BTBD3: variants seen among roughly 807,000 people sequenced by gnomAD.
BTBD3 encodes the protein BTB/POZ domain-containing protein 3.
BTBD3 carries 14 observed loss-of-function variants against 41.6 expected under a neutral mutation model. The ratio of observed to expected loss-of-function variants is 0.34; its 90% CI spans 0.22 to 0.53. The LOEUF (loss-of-function observed/expected upper bound fraction) is 0.53, where lower values mean the gene tolerates loss of function less well. Among genes scored for constraint, BTBD3 ranks in the 20% least tolerant of loss-of-function variants. The probability of loss-of-function intolerance (pLI) is 0.95; values close to 1 mark genes in which losing one functional copy is unlikely to be tolerated. For synonymous variants in BTBD3, 249 were observed against 233.7 expected (o/e 1.07, Z -0.60); for missense variants, 426 against 654.7 (o/e 0.65, Z 3.81).
Position 11,917,983 on chromosome 20 carries a change from C to G in BTBD3, c.-293C>G. On this transcript the variant is annotated 5_prime_UTR_variant, in exon 1 of 4. Coordinates refer to ENST00000378226, the MANE Select transcript of BTBD3 (RefSeq NM_014962.4). ...GAAAAGAAGTGCTACAGCTCTGTGC[C>G]TGTCATCTTTGCAGTGTAGCATTTT... 1 of 1,118,686 alleles carries G rather than the reference C, an allele frequency of 8.9e-7. No homozygotes were observed. Among genetic ancestry groups the G allele is most frequent in the South Asian group, 3.3e-5 (1 of 30,070 alleles). The allele number at this position is 1,118,686 out of a possible 1,614,324, so 69.3% of individuals were successfully genotyped here.
chr20:11,907,540 A>G (rs1446822408), intron 1 of BTBD3, among the ~76,000 whole-genome samples: 1 of 152,214 alleles, frequency 6.6e-6, no homozygotes, highest in African/African-American at 2.4e-5. Flanking sequence ...TGTTGCAGAT[A>G]TGGAGATGCA....
upstream of BTBD3, among the ~76,000 whole-genome samples, chr20:11,915,988 T>C (rs2056915670): frequency 2.0e-5 from 3 of 152,160 alleles, no homozygotes; most frequent in Admixed American, 1.3e-4. Flanking sequence ...ATATGCAAAA[T>C]GAGTAAAGAT....
At chr20:11,901,241 C>G (rs953404027) in intron 1 of BTBD3, among the ~76,000 whole-genome samples, 2 of 152,234 alleles carry the variant, frequency 1.3e-5, no homozygotes, top group Non-Finnish European at 2.9e-5. Flanking sequence ...CCTCCCCGCT[C>G]TACCACTTAG....
At chr20:11,915,642 C>T (rs936203863), upstream of BTBD3, among the ~76,000 whole-genome samples, 6 of 151,928 alleles carry the variant, frequency 3.9e-5, no homozygotes, top group South Asian at 4.2e-4. Context: ...GCCTTATTAC[C>T]GTGGTAAGAA....
chr20:11,895,789 A>T (rs2056783237), intron 1 of BTBD3, among the ~76,000 whole-genome samples: 1 of 152,048 alleles, frequency 6.6e-6, no homozygotes, highest in African/African-American at 2.4e-5. Context: ...CCTTATTTTA[A>T]CCTGTCACCC....
chr20:11,912,197 G>C (rs942847925), intron 1 of BTBD3, among the ~76,000 whole-genome samples: 2 of 152,142 alleles, frequency 1.3e-5, no homozygotes, highest in Admixed American at 6.5e-5. Context: ...ATTCAAACTG[G>C]GTCATTGTCG....
At chr20:11,921,223 C>T (rs1199801773) in intron 3 of BTBD3, among the ~76,000 whole-genome samples, 3 of 152,216 alleles carry the variant, frequency 2.0e-5, no homozygotes, top group African/African-American at 7.2e-5. Flanking sequence ...AATTAGGAAA[C>T]ATGAACAAGA....
At position 11,923,748 on chromosome 20, in the gene BTBD3, T is replaced by C. The variant is rs2122343334; in HGVS notation, c.*82T>C. The stretch of plus-strand genomic sequence containing the variant: ...CTGATGCTTAGCTCATCTGCAAATA[T>C]GTGATCAGTGCCGGTAATTTGTAAT... On this transcript the variant is annotated 3_prime_UTR_variant, in exon 4 of 4. Transcript: ENST00000378226. This position sits in a 1 kb window ranked among gnomAD's most constrained non-coding sequence, Gnocchi z 5.3. 4.7e-6 allele frequency: 6 copies of C among 1,289,654 alleles called. No homozygotes were observed. The highest frequency in any genetic ancestry group is 4.6e-5 in the East Asian group (2 of 43,072). The allele number at this position is 1,289,654 out of a possible 1,614,324, so 79.9% of individuals were successfully genotyped here. A position where few individuals can be genotyped will look rare whatever the true frequency, so the allele number is the denominator to read the frequency against.
chr20:11,907,958 T>C (rs570191697), intron 1 of BTBD3, among the ~76,000 whole-genome samples: 1 of 152,352 alleles, frequency 6.6e-6, no homozygotes, highest in South Asian at 2.1e-4. Flanking sequence ...TTCTCTGGTA[T>C]GTGAGAGAGA....
upstream of BTBD3, among the ~76,000 whole-genome samples, chr20:11,913,020 A>C (rs2122260657): frequency 6.6e-6 from 1 of 152,352 alleles, no homozygotes; most frequent in South Asian, 2.1e-4. Flanking sequence ...AGGGACAAAT[A>C]AGCAAAAACA....
intron 1 of BTBD3, chr20:11,910,640 A>C (rs996003629): frequency 6.6e-6 from 1 of 152,240 alleles, no homozygotes; most frequent in Non-Finnish European, 1.5e-5. Flanking sequence ...ATTTAGCTCC[A>C]TATTTAACCT....
intron 1 of BTBD3, among the ~76,000 whole-genome samples, chr20:11,899,965 A>C (rs2056814044): frequency 6.6e-6 from 1 of 152,224 alleles, no homozygotes; most frequent in Non-Finnish European, 1.5e-5. Context: ...AAAATGTGAA[A>C]ATTTTCTTCA....
At position 11,922,888 on chromosome 20, in the gene BTBD3, T is replaced by C; in HGVS notation, c.791T>C (p.Ile264Thr). 1.2e-6 allele frequency: 2 copies of C among 1,614,260 alleles called. No individual in the cohort carries two copies. Among genetic ancestry groups the C allele is most frequent in the Non-Finnish European group, 1.7e-6 (2 of 1,180,056 alleles). Residue 264 changes from isoleucine to threonine, a missense_variant, in exon 4 of 4, where the codon ATT (isoleucine) becomes ACT (threonine). Transcript: ENST00000378226. ...CTCAAGTCTGAGGGATTCTGCGATA[T>C]TGACTTCCAGACACTAGAAAGTATT... ...LALKSEGFCD[I>T]DFQTLESILR...
intron 1 of BTBD3, among the ~76,000 whole-genome samples, chr20:11,911,041 ATTTC>A (rs1199528465): frequency 2.6e-5 from 4 of 152,184 alleles, no homozygotes; most frequent in Admixed American, 2.6e-4. Context: ...TAAAAAAAAG[ATTTC>A]TTTCTTTCTG....
At chr20:11,900,810 C>T (rs541674659) in intron 1 of BTBD3, among the ~76,000 whole-genome samples, 16 of 151,740 alleles carry the variant, frequency 1.1e-4, no homozygotes, top group Non-Finnish European at 1.5e-4. Context: ...TGGGTTCACG[C>T]CTTTCTCCCG....
chr20:11,917,614 C>T (rs902264914), upstream of BTBD3, among the ~76,000 whole-genome samples: 1 of 152,162 alleles, frequency 6.6e-6, no homozygotes, highest in African/African-American at 2.4e-5. Flanking sequence ...TCCTGCTTAA[C>T]TGGGGACATA....
chr20:11,913,237 A>G (rs1050900760), upstream of BTBD3: 5 of 152,230 alleles, frequency 3.3e-5, no homozygotes, highest in African/African-American at 1.2e-4. Flanking sequence ...AAGTTAAACA[A>G]GAGTTGCCAG....
At chr20:11,903,255 T>C (rs1202596935) in intron 1 of BTBD3, among the ~76,000 whole-genome samples, 4 of 152,196 alleles carry the variant, frequency 2.6e-5, no homozygotes, top group Non-Finnish European at 4.4e-5. Context: ...CTGCCTGATA[T>C]ATCTCTCTTT....
In BTBD3 at chr20:11,906,016, C is replaced by T. The variant is rs183148653; in HGVS notation, c.-125-12318C>T. 2.3e-3 allele frequency among the ~76,000 whole-genome samples: 343 copies of T among 152,206 alleles called. 3 individuals carry two copies. The highest frequency in any genetic ancestry group is 0.017 in the Middle Eastern group (5 of 294). On this transcript the variant is annotated intron_variant, in intron 1 of 4. Coordinates refer to the BTBD3 transcript ENST00000254977. ...CTCACCCTGCCTTCTAAGAAATATA[C>T]TTTTATGGCCAGTGAATTCGTTATT... is the stretch of plus-strand genomic sequence containing the variant.
Sources: gnomAD v4.1 joint callset for allele counts (sites outside exome capture counted in the v4.1 genomes callset) on GRCh38, gnomAD v4.1.1 for gene constraint, Gnocchi (gnomAD v3.1) non-coding constraint, MANE v1.5 for transcripts, NCBI Gene and HGNC (gene_info 2026-07-23, HGNC 2026-07-21) for gene names.